The following IGFBP2 variants were observed in gnomAD, a reference collection of about 807,000 sequenced individuals.
The protein encoded by IGFBP2 is insulin-like growth factor-binding protein 2.
IGFBP2 carries 12 observed loss-of-function variants against 26.2 expected under a neutral mutation model. The observed-to-expected ratio is 0.46, with a 90% CI of 0.29 to 0.74. IGFBP2 has a LOEUF of 0.74. Among genes scored for constraint, IGFBP2 ranks in the 30% least tolerant of loss-of-function variants. IGFBP2 has a pLI of 0.09. For synonymous variants in IGFBP2, 189 were observed against 200.6 expected (o/e 0.94, Z 0.49); for missense variants, 328 against 441.2 (o/e 0.74, Z 2.30).
At chr2:216,635,745 G>A (rs962072631) in intron 1 of IGFBP2, among the ~76,000 whole-genome samples, 1 of 152,156 alleles carries the variant, frequency 6.6e-6, no homozygotes, top group African/African-American at 2.4e-5. Flanking sequence ...TTTCCCTGGA[G>A]CCTGAAGGGG....
chr2:216,647,957 T>C (rs889211513), intron 1 of IGFBP2, among the ~76,000 whole-genome samples: 1 of 152,214 alleles, frequency 6.6e-6, no homozygotes, highest in Non-Finnish European at 1.5e-5. Context: ...TTTTCATCAA[T>C]GCAATCAAGT....
At chr2:216,655,192 G>A (rs995906367) in intron 1 of IGFBP2, among the ~76,000 whole-genome samples, 9 of 152,130 alleles carry the variant, frequency 5.9e-5, no homozygotes, top group African/African-American at 2.2e-4. Context: ...GACCACAGGT[G>A]TGCATCACCA....
At chr2:216,648,492 G>T (rs1431084212) in intron 1 of IGFBP2, among the ~76,000 whole-genome samples, 1 of 152,198 alleles carries the variant, frequency 6.6e-6, no homozygotes, top group Non-Finnish European at 1.5e-5. Context: ...GGTGAAGTCC[G>T]CCATGTCACT....
At chr2:216,642,847 G>C (rs1283059349) in intron 1 of IGFBP2, among the ~76,000 whole-genome samples, 1 of 152,152 alleles carries the variant, frequency 6.6e-6, no homozygotes, top group Non-Finnish European at 1.5e-5. Context: ...AGCCAACCTG[G>C]AAGACCTAGC....
intron 1 of IGFBP2, 61 bp from the exon 2 acceptor site, chr2:216,660,496 G>A (rs902989282): frequency 1.1e-5 from 15 of 1,339,078 alleles, no homozygotes; most frequent in South Asian, 7.0e-5. Flanking sequence ...GGTGGCTCCC[G>A]GAGGGCACGT....
chr2:216,655,255 T>C (rs1323106151), intron 1 of IGFBP2, among the ~76,000 whole-genome samples: 1 of 152,106 alleles, frequency 6.6e-6, no homozygotes, highest in Non-Finnish European at 1.5e-5. Flanking sequence ...AGTTAGGCTT[T>C]GTGTCGCCAC....
intron 1 of IGFBP2, among the ~76,000 whole-genome samples, chr2:216,642,244 CA>C (rs1318611355): frequency 1.3e-5 from 2 of 150,430 alleles, no homozygotes; most frequent in East Asian, 3.9e-4. Flanking sequence ...ATGATCCGCC[CA>C]CCTCGGCCTC....
intron 1 of IGFBP2, among the ~76,000 whole-genome samples, chr2:216,634,890 T>G: frequency 1.2e-5 from 1 of 84,570 alleles, no homozygotes; most frequent in Admixed American, 1.5e-4. Context: ...CTAAGGAGGT[T>G]ACTTTTTTTT....
chr2:216,663,722 A>C (rs1688702261), intron 3 of IGFBP2: 2 of 490,730 alleles, frequency 4.1e-6, no homozygotes, highest in Non-Finnish European at 7.3e-6. Context: ...ATCACGTTGG[A>C]GCTCGCTAGC....
At chr2:216,641,314 G>A (rs1024156079) in intron 1 of IGFBP2, among the ~76,000 whole-genome samples, 1 of 152,132 alleles carries the variant, frequency 6.6e-6, no homozygotes, top group African/African-American at 2.4e-5. Flanking sequence ...AATCCCAGGT[G>A]GTCTACCATG....
At chr2:216,634,703 G>A (rs935873621) in intron 1 of IGFBP2, among the ~76,000 whole-genome samples, 5 of 152,154 alleles carry the variant, frequency 3.3e-5, no homozygotes, top group Non-Finnish European at 7.3e-5. Flanking sequence ...GCCAGGCTGT[G>A]CGGTTTCGCA....
intron 1 of IGFBP2, among the ~76,000 whole-genome samples, chr2:216,637,873 G>GAGGCTGTGTCGCCC (rs1697530831): frequency 6.6e-6 from 1 of 152,240 alleles, no homozygotes; most frequent in African/African-American, 2.4e-5. Flanking sequence ...TTCAGGCTCA[G>GAGGCTGTGTCGCCC]AGGCTGGAAA....
At position 216,633,712 on chromosome 2, in the gene IGFBP2, G is replaced by GGTGGCCGCA. The variant is rs1440288803; in HGVS notation, c.197_205dup (p.Ala66_Ala68dup). ...CCCCGCCGGTTGCGCCGCCCGCCGCGGTGGCCGCAGTGGCCGGAGGCGCCC... is the reference window on the plus strand; with the variant it reads ...CCCCGCCGGTTGCGCCGCCCGCCGCGGTGGCCGCAGTGGCCGCAGTGGCCGGAGGCGCCC... On this transcript the variant is annotated inframe_insertion, in exon 1 of 4. Coordinates refer to ENST00000233809, the MANE Select transcript of IGFBP2 (RefSeq NM_000597.3). 4.0e-5 allele frequency: 48 copies of GGTGGCCGCA among 1,204,076 alleles called. No individual in the cohort carries two copies. The highest frequency in any genetic ancestry group is 8.1e-5 in the South Asian group (2 of 24,554). The allele number at this position is 1,204,076 out of a possible 1,614,324, so 74.6% of individuals were successfully genotyped here. A position where few individuals can be genotyped will look rare whatever the true frequency, so the allele number is the denominator to read the frequency against.
rs9341115 is a variant in IGFBP2, at chr2:216,638,186, G to A, written c.442+4221G>A. On this transcript the variant is annotated intron_variant, in intron 1 of 3. Transcript: ENST00000233809. ...CCGGGCAACAGAGCAAAAAAACTCC[G>A]TCTCAAAAAATAAATAAAATAAAAA... Among the ~76,000 whole-genome samples, 38 of 150,896 alleles carry A rather than the reference G, an allele frequency of 2.5e-4. No homozygotes were observed. The East Asian group carries it at 3.2e-3, about 13-fold the overall frequency.
intron 1 of IGFBP2, among the ~76,000 whole-genome samples, chr2:216,634,695 C>T (rs1228320037): frequency 6.6e-6 from 1 of 152,124 alleles, no homozygotes. Flanking sequence ...CGGGGGCAGC[C>T]AGGCTGTGCG....
intron 1 of IGFBP2, among the ~76,000 whole-genome samples, chr2:216,653,089 G>C (rs1697858209): frequency 2.0e-5 from 3 of 152,168 alleles, no homozygotes; most frequent in Admixed American, 1.3e-4. Context: ...TTCTAGGTAG[G>C]GAAAAGGTCT....
intron 3 of IGFBP2, chr2:216,663,593 T>G: frequency 4.4e-6 from 1 of 225,736 alleles, no homozygotes; most frequent in Non-Finnish European, 8.8e-6. Context: ...TAAGCTTCAG[T>G]ATGCTGGGTC....
intron 1 of IGFBP2, among the ~76,000 whole-genome samples, chr2:216,643,244 T>TG (rs1308107661): frequency 6.6e-6 from 1 of 152,132 alleles, no homozygotes; most frequent in African/African-American, 2.4e-5. Flanking sequence ...ACTCCTGAGT[T>TG]GGGGAGCAGC....
At chr2:216,640,350 A>G (rs1697587052) in intron 1 of IGFBP2, among the ~76,000 whole-genome samples, 1 of 152,212 alleles carries the variant, frequency 6.6e-6, no homozygotes, top group South Asian at 2.1e-4. Flanking sequence ...AAGAGTTAGC[A>G]CTAGCGCTGC....
Sources: gnomAD v4.1 joint callset for allele counts (sites outside exome capture counted in the v4.1 genomes callset) on GRCh38, gnomAD v4.1.1 for gene constraint, MANE v1.5 for transcripts, NCBI Gene and HGNC (gene_info 2026-07-23, HGNC 2026-07-21) for gene names.